RGS3: variants seen among roughly 807,000 people sequenced by gnomAD.
RGS3 encodes regulator of G-protein signalling 3.
In RGS3, 80 loss-of-function variants were observed where a neutral mutation model predicts 132.6. The observed-to-expected ratio is 0.60, with a 90% CI of 0.50 to 0.73. The LOEUF is 0.73. Among genes scored for constraint, RGS3 ranks in the 30% least tolerant of loss-of-function variants. RGS3 has a pLI of 0.00. For synonymous variants in RGS3, 598 were observed against 620.6 expected (o/e 0.96, Z 0.54); for missense variants, 1,382 against 1,530.8 (o/e 0.90, Z 1.62).
At chr9:113,449,721 G>T (rs1378449704) in intron 1 of RGS3, among the ~76,000 whole-genome samples, 3 of 152,086 alleles carry the variant, frequency 2.0e-5, no homozygotes, top group African/African-American at 7.2e-5. Context: ...TCCCAAGCCA[G>T]ATTTTGCTTT....
Position 113,498,152 on chromosome 9 carries a change from A to T in RGS3, c.897+72A>T, listed in dbSNP as rs1237862453. On this transcript the variant is annotated intron_variant, in intron 10 of 24. Transcript: ENST00000350696. ...CCTTGACAGCCCCTGGGCCCGGGAA[A>T]CCCCTAAAGGGGCAGCATTTGGTGC... 3 of 1,404,914 alleles carry T rather than the reference A, an allele frequency of 2.1e-6. No individual in the cohort carries two copies. In the Admixed American group the frequency reaches 5.1e-5, roughly 24 times the overall value. The allele number at this position is 1,404,914 out of a possible 1,614,324, so 87.0% of individuals were successfully genotyped here. A position where few individuals can be genotyped will look rare whatever the true frequency, so the allele number is the denominator to read the frequency against.
intron 21 of RGS3, chr9:113,593,854 T>C (rs1564624120): frequency 1.3e-6 from 2 of 1,490,248 alleles, no homozygotes; most frequent in East Asian, 4.6e-5. Context: ...CTCCCCTGGC[T>C]CCCTCCTTCC....
chr9:113,574,200 C>G (rs181743680), intron 19 of RGS3, among the ~76,000 whole-genome samples: 1 of 152,206 alleles, frequency 6.6e-6, no homozygotes, highest in Non-Finnish European at 1.5e-5. Context: ...ACCTCTGCAG[C>G]GCTAAGTAAA....
rs905857205 is a variant in RGS3 at position 113,584,372 on chromosome 9, G to A, written c.2960G>A (p.Gly987Asp). The change falls in exon 20 of 25, where the codon GGC becomes GAC. Residue 987 changes from glycine (G) to aspartate (D), a missense_variant. Coordinates refer to ENST00000350696, the Ensembl canonical transcript of RGS3. Reference sequence around the variant, plus strand: ...CCCAGCACCCTCAAGAAAGAGCTGGGCCGCAATGGTGGCTCCATGCACCAC... The same window carrying A: ...CCCAGCACCCTCAAGAAAGAGCTGGACCGCAATGGTGGCTCCATGCACCAC... 4 of 1,554,932 alleles carry A rather than the reference G, an allele frequency of 2.6e-6. No homozygotes were observed. The highest frequency in any genetic ancestry group is 1.9e-5 in the Admixed American group (1 of 52,952).
At position 113,506,405 on chromosome 9, in the gene RGS3, G is replaced by T. The variant is rs1242491108; in HGVS notation, c.997G>T (p.Ala333Ser). ...CCCTGCAGGGGGTCCGGCGGAACGG[G>T]CAGGGCTGCAGCAGCTGGACACGGT... Residue 333 changes from alanine to serine, a missense_variant, in exon 12 of 25, where the codon GCA (alanine) becomes TCA (serine). Ala to Ser is a moderately conservative substitution (Grantham distance 99). Coordinates refer to ENST00000350696, the Ensembl canonical transcript of RGS3. This position sits in a 1 kb window ranked among gnomAD's most constrained non-coding sequence, Gnocchi z 4.7. 1 of 1,591,108 alleles carries T rather than the reference G, an allele frequency of 6.3e-7. No individual in the cohort carries two copies.
intron 10 of RGS3, 30 bp from the exon 9 acceptor site, chr9:113,505,412 T>G (rs1171311903): frequency 9.3e-6 from 15 of 1,608,898 alleles, no homozygotes; most frequent in African/African-American, 1.3e-5. Context: ...CTCCAGCTTC[T>G]GGCAGTGACC....
rs562574406 is a variant in RGS3 at position 113,579,741 on chromosome 9, A to G, written c.2038-3709A>G. Among the ~76,000 whole-genome samples the G allele has an allele frequency of 6.6e-6, 1 of 152,314 alleles. No homozygotes were observed. Among genetic ancestry groups the G allele is most frequent in the African/African-American group, 2.4e-5 (1 of 41,568 alleles). On this transcript the variant is annotated intron_variant, in intron 19 of 24. Transcript: ENST00000350696. The surrounding 1 kb of genome is among the most constrained non-coding windows in gnomAD (Gnocchi z 4.3). ...GTTTTTTCTACTTAACTGAGGGCAG[A>G]GATTGTGTCTGACTTGTTCCCTGCC...
At chr9:113,540,169 T>G (rs1241611275) in intron 19 of RGS3, among the ~76,000 whole-genome samples, 1 of 152,104 alleles carries the variant, frequency 6.6e-6, no homozygotes, top group Admixed American at 6.5e-5. Flanking sequence ...CGCCTACCTT[T>G]CTTCTTCTGC....
At chr9:113,581,150 G>A in intron 19 of RGS3, 1 of 235,118 alleles carries the variant, frequency 4.3e-6, no homozygotes. Context: ...GCGATGGGCT[G>A]GGGACTGGTT....
chr9:113,479,485 C>T lies in RGS3; in HGVS notation c.416-6C>T, dbSNP rs775775059. 9.9e-6 allele frequency: 16 copies of T among 1,614,076 alleles called. No homozygotes were observed. The highest frequency in any genetic ancestry group is 3.4e-6 in the Non-Finnish European group (4 of 1,180,016). ...GGCAAGGTTGTTTCTGTTGCTGTTT[C>T]CTTAGGTCAGCTGAGGCTGTCCATT... On this transcript the variant is annotated splice_polypyrimidine_tract_variant and splice_region_variant and intron_variant, in intron 3 of 24. Transcript: ENST00000350696.
rs576588331 is a variant in RGS3 at position 113,522,811 on chromosome 9, G to A, written c.1759-119G>A. 27 of 746,714 alleles carry A rather than the reference G, an allele frequency of 3.6e-5. No individual in the cohort carries two copies. In the South Asian group the frequency reaches 3.7e-4, roughly 10 times the overall value. 46.3% of individuals were successfully genotyped at this position (746,714 alleles called of 1,614,324 possible). ...GAGCACTGCTCCTGGTTTTGTGTGA[G>A]ATGATGAGGATGCATTATCTGGGGA... On this transcript the variant is annotated intron_variant, in intron 16 of 24. Transcript: ENST00000350696.
At chr9:113,444,799 A>T (rs1829069674) in exon 1 of RGS3, 1 of 152,230 alleles carries the variant, frequency 6.6e-6, no homozygotes, top group Admixed American at 6.5e-5. Flanking sequence ...TTTAATGTAC[A>T]GCTGAGACTG....
At position 113,546,214 on chromosome 9, in the gene RGS3, C is replaced by T. The variant is rs569781982; in HGVS notation, c.2037+9296C>T. Among the ~76,000 whole-genome samples, 22 of 152,318 alleles carry T rather than the reference C, an allele frequency of 1.4e-4. No individual in the cohort carries two copies. The South Asian group carries it at 3.7e-3, about 26-fold the overall frequency. ...CAGTTAGGGTGTTTGATCTGCCTGA[C>T]GTTGACTGCCCTCCTTGGCTGTCCC... is the stretch of plus-strand genomic sequence containing the variant. On this transcript the variant is annotated intron_variant, in intron 19 of 24. Transcript: ENST00000350696.
At chr9:113,567,481 G>A (rs1834065552) in intron 19 of RGS3, among the ~76,000 whole-genome samples, 1 of 152,244 alleles carries the variant, frequency 6.6e-6, no homozygotes, top group Admixed American at 6.5e-5. Context: ...ACAGTGACAT[G>A]CAAGTCAGCT....
At chr9:113,535,944 TC>T (rs906730864) in intron 18 of RGS3, among the ~76,000 whole-genome samples, 19 of 152,084 alleles carry the variant, frequency 1.2e-4, no homozygotes, top group Non-Finnish European at 2.8e-4. Context: ...TCCTTGAAGC[TC>T]CCTGGTGCTT....
intron 19 of RGS3, among the ~76,000 whole-genome samples, chr9:113,567,216 A>ACCCCCCC (rs1834051576): frequency 2.0e-5 from 3 of 147,670 alleles, no homozygotes; most frequent in Admixed American, 6.8e-5. Context: ...CTGCCTGGAA[A>ACCCCCCC]CCCCTCCCCT....
At chr9:113,478,552 T>TA (rs1316377654) in intron 3 of RGS3, among the ~76,000 whole-genome samples, 7 of 152,188 alleles carry the variant, frequency 4.6e-5, no homozygotes, top group African/African-American at 1.7e-4. Flanking sequence ...CTCATACCTG[T>TA]AATCCCAGAA....
chr9:113,540,086 C>T (rs1344776187), intron 19 of RGS3, among the ~76,000 whole-genome samples: 1 of 152,004 alleles, frequency 6.6e-6, no homozygotes, highest in Non-Finnish European at 1.5e-5. Flanking sequence ...CAACTTCCTA[C>T]TCCTGTTCAT....
chr9:113,447,497 G>A (rs904878200), intron 1 of RGS3, among the ~76,000 whole-genome samples: 1 of 149,888 alleles, frequency 6.7e-6, no homozygotes, highest in Non-Finnish European at 1.5e-5. Flanking sequence ...AAATTTTTTG[G>A]GGGTCTATAT....
Sources: gnomAD v4.1 joint callset for allele counts (sites outside exome capture counted in the v4.1 genomes callset) on GRCh38, gnomAD v4.1.1 for gene constraint, Gnocchi (gnomAD v3.1) non-coding constraint, MANE v1.5 for transcripts, NCBI Gene and HGNC (gene_info 2026-07-23, HGNC 2026-07-21) for gene names.